Variants in SLC8A3 observed in about 807,000 individuals in gnomAD.
SLC8A3 encodes sodium/calcium exchanger 3.
SLC8A3 carries 37 observed loss-of-function variants against 65.4 expected under a neutral mutation model. That is an observed-to-expected ratio of 0.57 (90% CI 0.44 to 0.74). The LOEUF (loss-of-function observed/expected upper bound fraction) is 0.74. Ranked by LOEUF, SLC8A3 falls within the 30% of genes least tolerant of loss-of-function variation. The pLI, the probability that SLC8A3 is intolerant of heterozygous loss-of-function variation, is 0.00. For synonymous variants in SLC8A3, 461 were observed against 444.5 expected (o/e 1.04, Z -0.47); for missense variants, 1,112 against 1,172.1 (o/e 0.95, Z 0.75).
intron 1 of SLC8A3, among the ~76,000 whole-genome samples, chr14:70,184,924 A>G (rs948203212): frequency 4.6e-5 from 7 of 151,334 alleles, no homozygotes; most frequent in Non-Finnish European, 5.9e-5. Context: ...CAAAGCAACC[A>G]GGCTTAAGTG....
chr14:70,075,909 T>C (rs28413804), intron 2 of SLC8A3, among the ~76,000 whole-genome samples: 8,838 of 152,236 alleles, frequency 0.058, 267 homozygotes, highest in Non-Finnish European at 0.065. Flanking sequence ...ATCCCAGAGT[T>C]TGTGACTCAG....
At chr14:70,123,794 A>G (rs1280114286) in intron 2 of SLC8A3, among the ~76,000 whole-genome samples, 2 of 152,176 alleles carry the variant, frequency 1.3e-5, no homozygotes, top group Non-Finnish European at 2.9e-5. Context: ...AATATTTTAC[A>G]AAGTAGTGTT....
intron 2 of SLC8A3, among the ~76,000 whole-genome samples, chr14:70,141,545 G>C (rs1308008841): frequency 6.6e-6 from 1 of 152,112 alleles, no homozygotes; most frequent in African/African-American, 2.4e-5. Context: ...TAGCAGAAGC[G>C]GGACTGCAAA....
At chr14:70,141,666 A>C (rs1260984066) in intron 2 of SLC8A3, among the ~76,000 whole-genome samples, 1 of 152,196 alleles carries the variant, frequency 6.6e-6, no homozygotes, top group East Asian at 1.9e-4. Flanking sequence ...TCAACAAAAC[A>C]AGCTCCCCTC....
chr14:70,182,611 T>C (rs1000828435), intron 1 of SLC8A3, among the ~76,000 whole-genome samples: 1 of 152,018 alleles, frequency 6.6e-6, no homozygotes, highest in Admixed American at 6.6e-5. Flanking sequence ...TCATTATATT[T>C]TGGGGAATGA....
chr14:70,098,721 A>G (rs889894229), intron 2 of SLC8A3, among the ~76,000 whole-genome samples: 1 of 152,238 alleles, frequency 6.6e-6, no homozygotes, highest in Non-Finnish European at 1.5e-5. Context: ...CTGCCAGGCT[A>G]AAGACAAATA....
chr14:70,157,744 A>G (rs1896658416), intron 2 of SLC8A3, among the ~76,000 whole-genome samples: 1 of 152,242 alleles, frequency 6.6e-6, no homozygotes. Flanking sequence ...TCTGTGCTGC[A>G]TCCTTACAAT....
intron 2 of SLC8A3, among the ~76,000 whole-genome samples, chr14:70,119,418 A>G (rs1220275540): frequency 1.3e-5 from 2 of 152,198 alleles, no homozygotes; most frequent in Non-Finnish European, 2.9e-5. Context: ...GCTATGGTCA[A>G]GCATCACTGG....
At chr14:70,135,631 TA>T (rs1273290410) in intron 2 of SLC8A3, among the ~76,000 whole-genome samples, 1 of 151,720 alleles carries the variant, frequency 6.6e-6, no homozygotes, top group African/African-American at 2.4e-5. Flanking sequence ...TTGAGTGAAA[TA>T]AGCCAGGCAC....
chr14:70,064,729 C>T (rs892144193), intron 2 of SLC8A3, among the ~76,000 whole-genome samples: 9 of 152,134 alleles, frequency 5.9e-5, no homozygotes, highest in African/African-American at 1.4e-4. Flanking sequence ...CTCAGTCCTA[C>T]GATGATTTTG....
intron 1 of SLC8A3, among the ~76,000 whole-genome samples, chr14:70,169,666 T>C (rs1408814931): frequency 2.1e-5 from 2 of 93,734 alleles, no homozygotes; most frequent in East Asian, 3.4e-4. Flanking sequence ...GAAAATACCA[T>C]GGAATAGCTA....
chr14:70,097,883 T>C (rs1426308996), intron 2 of SLC8A3, among the ~76,000 whole-genome samples: 1 of 152,180 alleles, frequency 6.6e-6, no homozygotes, highest in East Asian at 1.9e-4. Flanking sequence ...TGGCATCAGA[T>C]TCCAGCACCA....
At chr14:70,129,218 C>A (rs1309784757) in intron 2 of SLC8A3, among the ~76,000 whole-genome samples, 1 of 152,154 alleles carries the variant, frequency 6.6e-6, no homozygotes, top group Non-Finnish European at 1.5e-5. Context: ...ATGAGCTGAA[C>A]CTGATTTAAA....
chr14:70,178,957 C>A (rs935985181), intron 1 of SLC8A3, among the ~76,000 whole-genome samples: 1 of 152,118 alleles, frequency 6.6e-6, no homozygotes, highest in Non-Finnish European at 1.5e-5. Context: ...GCACCCCACC[C>A]CCTACTGACT....
chr14:70,130,589 A>G (rs1204948814), intron 2 of SLC8A3, among the ~76,000 whole-genome samples: 1 of 152,160 alleles, frequency 6.6e-6, no homozygotes, highest in Non-Finnish European at 1.5e-5. Context: ...TGTTAAGGCA[A>G]CTCCACTGGG....
Position 70,181,919 on chromosome 14 carries a change from C to G in SLC8A3, c.-63+6460G>C, listed in dbSNP as rs190980175. 1.3e-3 allele frequency among the ~76,000 whole-genome samples: 196 copies of G among 152,264 alleles called. 1 individual carries two copies. Among genetic ancestry groups the G allele is most frequent in the Non-Finnish European group, 1.2e-3 (80 of 68,016 alleles). On this transcript the variant is annotated intron_variant, in intron 1 of 6. Transcript: ENST00000356921. ...GTATAATAATAGTAAGTACTTCGTA[C>G]AGTCATGGTAAGGATTAAATGGGAA... is the stretch of plus-strand genomic sequence containing the variant.
chr14:70,184,144 C>G (rs184868575), intron 1 of SLC8A3, among the ~76,000 whole-genome samples: 1 of 152,296 alleles, frequency 6.6e-6, no homozygotes, highest in East Asian at 1.9e-4. Context: ...CCATGAGAGT[C>G]TGTACATTGA....
intron 2 of SLC8A3, among the ~76,000 whole-genome samples, chr14:70,127,307 T>G (rs561148307): frequency 1.3e-5 from 2 of 151,960 alleles, no homozygotes; most frequent in East Asian, 1.9e-4. Flanking sequence ...TATTGTGGAG[T>G]TGGTAAAGGT....
At chr14:70,185,276 C>G (rs1320105358) in intron 1 of SLC8A3, among the ~76,000 whole-genome samples, 1 of 152,190 alleles carries the variant, frequency 6.6e-6, no homozygotes, top group Non-Finnish European at 1.5e-5. Flanking sequence ...CTATTCCTTT[C>G]TTTTTATCTA....
Sources: gnomAD v4.1 joint callset for allele counts (sites outside exome capture counted in the v4.1 genomes callset) on GRCh38, gnomAD v4.1.1 for gene constraint, MANE v1.5 for transcripts, NCBI Gene and HGNC (gene_info 2026-07-23, HGNC 2026-07-21) for gene names.